The following MYOCD variants were observed in gnomAD, a reference collection of about 807,000 sequenced individuals.
MYOCD encodes myocardin.
MYOCD carries 32 observed loss-of-function variants against 96.1 expected under a neutral mutation model. That is an observed-to-expected ratio of 0.33 (90% CI 0.25 to 0.45). The LOEUF is 0.45. MYOCD is among the 20% of genes least tolerant of loss of function. The probability of loss-of-function intolerance (pLI) is 1.00; values close to 1 mark genes in which losing one functional copy is unlikely to be tolerated. For synonymous variants in MYOCD, 469 were observed against 469.0 expected (o/e 1.00, Z 0.00); for missense variants, 1,133 against 1,200.6 (o/e 0.94, Z 0.83).
At position 12,768,227 on chromosome 17, in the gene MYOCD, C is replaced by T. The variant is rs933536188; in HGVS notation, c.*4583C>T. The T allele has an allele frequency of 6.6e-6, 1 of 152,042 alleles. No homozygotes were observed. The highest frequency in any genetic ancestry group is 1.5e-5 in the Non-Finnish European group (1 of 68,020). The allele number at this position is 152,042 out of a possible 1,614,324, so 9.4% of individuals were successfully genotyped here. On this transcript the variant is annotated 3_prime_UTR_variant, in exon 14 of 14. Coordinates refer to ENST00000425538, the MANE Select transcript of MYOCD (RefSeq NM_001146312.3). ...TGTAGTGCCAAGATCTGGTCAGTTGCGTTAAGGAGCTGGGTTTGATTCTAG... is the reference window on the plus strand; with the variant it reads ...TGTAGTGCCAAGATCTGGTCAGTTGTGTTAAGGAGCTGGGTTTGATTCTAG...
chr17:12,752,552 A>T lies in MYOCD; in HGVS notation c.1264A>T (p.Thr422Ser), dbSNP rs747845006. ...VPNFGDITTV[T>S]FPVTPNTLPN... ...GAACTTTGGGGATATAACGACTGTC[A>T]CTTTTCCTGTCACACCCAACACGCT... Residue 422 changes from threonine (T) to serine (S), a missense_variant, in exon 10 of 14, where the codon ACT becomes TCT. Thr to Ser is a moderately conservative substitution (Grantham distance 58). Coordinates refer to ENST00000425538, the MANE Select transcript of MYOCD (RefSeq NM_001146312.3). 1 of 1,614,076 alleles carries T rather than the reference A, an allele frequency of 6.2e-7. No homozygotes were observed. The highest frequency in any genetic ancestry group is 2.2e-5 in the East Asian group (1 of 44,862).
intron 10 of MYOCD, 105 bp from the exon 11 acceptor site, chr17:12,756,308 TA>T: frequency 7.4e-7 from 1 of 1,342,710 alleles, no homozygotes; most frequent in East Asian, 2.5e-5. Flanking sequence ...GGAAGGTTTG[TA>T]AAAATGACAC....
intron 1 of MYOCD, among the ~76,000 whole-genome samples, chr17:12,682,354 A>G (rs1193580361): frequency 6.6e-6 from 1 of 152,244 alleles, no homozygotes; most frequent in African/African-American, 2.4e-5. Context: ...GGAGGAGACC[A>G]GAAGCCTCTG....
intron 12 of MYOCD, 107 bp downstream of exon 12, chr17:12,758,320 G>T: frequency 6.6e-7 from 1 of 1,526,146 alleles, no homozygotes; most frequent in Non-Finnish European, 8.9e-7. Context: ...TATTGAGTGT[G>T]TCATGTGCCA....
chr17:12,677,184 A>G (rs1279074345), intron 1 of MYOCD, among the ~76,000 whole-genome samples: 2 of 152,128 alleles, frequency 1.3e-5, no homozygotes, highest in African/African-American at 4.8e-5. Flanking sequence ...TCTCACTTAC[A>G]AGTGGGAGCT....
rs1178353180 is a variant in MYOCD, at chr17:12,768,004, G to A, written c.*4360G>A. 6.6e-6 allele frequency: 1 copy of A among 152,192 alleles called. No homozygotes were observed. Among genetic ancestry groups the A allele is most frequent in the Non-Finnish European group, 1.5e-5 (1 of 68,042 alleles). The allele number at this position is 152,192 out of a possible 1,614,324, so 9.4% of individuals were successfully genotyped here. On this transcript the variant is annotated 3_prime_UTR_variant, in exon 14 of 14. Coordinates refer to ENST00000425538, the MANE Select transcript of MYOCD (RefSeq NM_001146312.3). The stretch of plus-strand genomic sequence containing the variant: ...TCAGCTGCCTTCCTCACAGAAGGAA[G>A]TTCCCAAAATTGCTGGTACACAGTT...
At chr17:12,675,806 A>AC (rs1909995174) in intron 1 of MYOCD, among the ~76,000 whole-genome samples, 1 of 152,238 alleles carries the variant, frequency 6.6e-6, no homozygotes, top group South Asian at 2.1e-4. Context: ...TTGCAGTGAG[A>AC]CGAGATCACG....
chr17:12,698,827 C>T (rs111417720), intron 1 of MYOCD, among the ~76,000 whole-genome samples: 1 of 147,378 alleles, frequency 6.8e-6, no homozygotes, highest in African/African-American at 2.5e-5. Context: ...ACTGCAAGCT[C>T]CGCCTCCCCG....
chr17:12,748,797 C>T (rs1056806802), intron 9 of MYOCD, among the ~76,000 whole-genome samples: 1 of 152,102 alleles, frequency 6.6e-6, no homozygotes. Flanking sequence ...CCATTTTGTA[C>T]TTTTTCAAAC....
At chr17:12,672,377 G>A (rs928581203) in intron 1 of MYOCD, among the ~76,000 whole-genome samples, 2 of 152,144 alleles carry the variant, frequency 1.3e-5, no homozygotes, top group African/African-American at 2.4e-5. Flanking sequence ...GCAGCCTTAC[G>A]ACGTTAGTAC....
At chr17:12,701,411 C>A (rs900800060) in intron 1 of MYOCD, among the ~76,000 whole-genome samples, 1 of 151,774 alleles carries the variant, frequency 6.6e-6, no homozygotes, top group Admixed American at 6.6e-5. Flanking sequence ...GACTCCGTCT[C>A]AAAATAAATA....
chr17:12,717,268 AG>A (rs1299264226), intron 3 of MYOCD, 77 bp from the exon 4 acceptor site: 78 of 995,572 alleles, frequency 7.8e-5, no homozygotes, highest in Non-Finnish European at 1.1e-4. Context: ...TTATTTTAAA[AG>A]GTTATTTTCT....
intron 1 of MYOCD, among the ~76,000 whole-genome samples, chr17:12,697,046 A>G (rs909073213): frequency 2.6e-5 from 4 of 152,024 alleles, no homozygotes; most frequent in African/African-American, 9.7e-5. Flanking sequence ...ACCTGCAGAC[A>G]GACATTCCCA....
intron 1 of MYOCD, among the ~76,000 whole-genome samples, chr17:12,694,761 A>G (rs2030653942): frequency 6.6e-6 from 1 of 152,104 alleles, no homozygotes; most frequent in Admixed American, 6.5e-5. Context: ...TCTTAATGTA[A>G]TATCAAAGAC....
intron 8 of MYOCD, among the ~76,000 whole-genome samples, chr17:12,745,696 T>C (rs2032642560): frequency 6.6e-6 from 1 of 152,194 alleles, no homozygotes; most frequent in African/African-American, 2.4e-5. Context: ...CTCTTTCATA[T>C]GCCAAAGTCC....
At chr17:12,707,953 A>G (rs540319398) in intron 2 of MYOCD, among the ~76,000 whole-genome samples, 3 of 146,482 alleles carry the variant, frequency 2.0e-5, no homozygotes, top group African/African-American at 4.8e-5. Flanking sequence ...TGCACTATAT[A>G]TATGTGTGTG....
intron 5 of MYOCD, among the ~76,000 whole-genome samples, chr17:12,734,536 A>G (rs1451354313): frequency 3.6e-5 from 4 of 111,250 alleles, no homozygotes; most frequent in Non-Finnish European, 5.3e-5. Context: ...TTTGAGACAC[A>G]GTCTTGTTCT....
chr17:12,688,329 A>G (rs923482877), intron 1 of MYOCD, among the ~76,000 whole-genome samples: 2 of 152,222 alleles, frequency 1.3e-5, no homozygotes, highest in East Asian at 1.9e-4. Flanking sequence ...CTGGGCCACT[A>G]TTTGTGGCTT....
chr17:12,681,830 A>C (rs751483322), intron 1 of MYOCD, among the ~76,000 whole-genome samples: 19 of 151,940 alleles, frequency 1.3e-4, no homozygotes, highest in Non-Finnish European at 2.5e-4. Context: ...CATCATTTTC[A>C]CCTCGTCCTC....
Sources: gnomAD v4.1 joint callset for allele counts (sites outside exome capture counted in the v4.1 genomes callset) on GRCh38, gnomAD v4.1.1 for gene constraint, MANE v1.5 for transcripts, NCBI Gene and HGNC (gene_info 2026-07-23, HGNC 2026-07-21) for gene names.